Variants in NRXN1 observed in about 807,000 individuals in gnomAD.
NRXN1 encodes neurexin 1.
NRXN1 carries 39 observed loss-of-function variants against 150.9 expected under a neutral mutation model. The observed-to-expected ratio is 0.26, with a 90% confidence interval of 0.20 to 0.34. NRXN1 has a LOEUF of 0.34. Ranked by LOEUF, NRXN1 falls within the 10% of genes least tolerant of loss-of-function variation. The probability of loss-of-function intolerance (pLI) is 1.00; values close to 1 mark genes in which losing one functional copy is unlikely to be tolerated. For missense variants in NRXN1, 1,815 were observed against 1,949.9 expected, an observed-to-expected ratio of 0.93 and a Z score of 1.30; for synonymous variants, 924 against 757.0, an observed-to-expected ratio of 1.22 and a Z score of -3.62.
intron 5 of NRXN1, among the ~76,000 whole-genome samples, chr2:50,886,264 T>C (rs566165771): frequency 6.6e-6 from 1 of 151,428 alleles, no homozygotes; most frequent in South Asian, 2.1e-4. Flanking sequence ...AAAGAGGTGG[T>C]AGAAAAATAA....
At chr2:50,087,253 C>G (rs1698917491) in intron 19 of NRXN1, among the ~76,000 whole-genome samples, 1 of 152,106 alleles carries the variant, frequency 6.6e-6, no homozygotes, top group Non-Finnish European at 1.5e-5. Flanking sequence ...TGTAACCAGA[C>G]TGTAAATTTA....
chr2:50,649,251 T>TACACATACACACACACACACACACAC (rs1284650257), intron 5 of NRXN1, among the ~76,000 whole-genome samples: 3 of 79,548 alleles, frequency 3.8e-5, no homozygotes, highest in African/African-American at 1.4e-4. Context: ...TATACACACA[T>TACACATACACACACACACACACACAC]ACACACATAC....
At chr2:51,031,162 G>C (rs1001699338) in intron 1 of NRXN1, among the ~76,000 whole-genome samples, 8 of 152,170 alleles carry the variant, frequency 5.3e-5, no homozygotes, top group Admixed American at 5.2e-4. Context: ...ATGGAGAAAA[G>C]AGGATTCTCT....
chr2:50,622,709 A>G (rs1159575897), intron 6 of NRXN1, among the ~76,000 whole-genome samples: 1 of 152,194 alleles, frequency 6.6e-6, no homozygotes, highest in African/African-American at 2.4e-5. Flanking sequence ...ATGGGCACCT[A>G]GAAGATTAAC....
At chr2:50,536,739 T>C (rs1455796940) in intron 10 of NRXN1, among the ~76,000 whole-genome samples, 1 of 152,198 alleles carries the variant, frequency 6.6e-6, no homozygotes, top group Non-Finnish European at 1.5e-5. Context: ...CTTTGTTACA[T>C]TGTTCATCCT....
intron 17 of NRXN1, among the ~76,000 whole-genome samples, chr2:50,377,257 C>T (rs115301604): frequency 0.029 from 4,461 of 152,112 alleles, 160 homozygotes; most frequent in East Asian, 0.12. Context: ...CCTTCCAATC[C>T]CCCTAACAGG....
At chr2:50,376,156 C>T (rs1384790428) in intron 17 of NRXN1, among the ~76,000 whole-genome samples, 1 of 151,770 alleles carries the variant, frequency 6.6e-6, no homozygotes, top group Non-Finnish European at 1.5e-5. Flanking sequence ...GAAGAAAACA[C>T]ATACACAAAT....
chr2:50,168,012 A>G (rs1048457479), intron 18 of NRXN1, among the ~76,000 whole-genome samples: 4 of 150,784 alleles, frequency 2.7e-5, no homozygotes, highest in Non-Finnish European at 4.4e-5. Flanking sequence ...TTTTATTTCA[A>G]GGTTTGCATT....
At chr2:50,203,991 C>G (rs1178339707) in intron 18 of NRXN1, among the ~76,000 whole-genome samples, 2 of 152,070 alleles carry the variant, frequency 1.3e-5, no homozygotes, top group African/African-American at 4.8e-5. Flanking sequence ...AAATATTTCA[C>G]AAAATATTTG....
chr2:50,731,590 T>G (rs577209409), intron 5 of NRXN1, among the ~76,000 whole-genome samples: 1 of 152,260 alleles, frequency 6.6e-6, no homozygotes, highest in South Asian at 2.1e-4. Flanking sequence ...AAGGTATAGT[T>G]AAGGGATAAT....
chr2:50,839,191 T>A (rs982393056), intron 5 of NRXN1, among the ~76,000 whole-genome samples: 3 of 152,176 alleles, frequency 2.0e-5, no homozygotes, highest in African/African-American at 7.2e-5. Flanking sequence ...GATTTTTTTC[T>A]AAGTAGCCAT....
Position 50,346,800 on chromosome 2 carries a change from C to G in NRXN1, c.3365-109830G>C, listed in dbSNP as rs148517834. 2 of 1,613,362 alleles carry G rather than the reference C, an allele frequency of 1.2e-6. No homozygotes were observed. Among genetic ancestry groups the G allele is most frequent in the Non-Finnish European group, 1.7e-6 (2 of 1,179,914 alleles). On this transcript the variant is annotated intron_variant, in intron 17 of 22. Coordinates refer to ENST00000401669, the MANE Select transcript of NRXN1 (RefSeq NM_001330078.2). The surrounding 1 kb of genome is among the most constrained non-coding windows in gnomAD (Gnocchi z 5.0). ...TGTGGTGCGCTCCCAAACTGGATGC[C>G]CCCCACGCCACTCCTAGGAGGCCGC...
intron 5 of NRXN1, among the ~76,000 whole-genome samples, chr2:50,782,364 G>GGA (rs1238028635): frequency 6.6e-6 from 1 of 151,960 alleles, no homozygotes; most frequent in African/African-American, 2.4e-5. Context: ...CAGCTACTCG[G>GGA]GAGGCTGAGG....
chr2:50,717,863 CT>C (rs960980587), intron 5 of NRXN1, among the ~76,000 whole-genome samples: 1 of 152,082 alleles, frequency 6.6e-6, no homozygotes, highest in African/African-American at 2.4e-5. Flanking sequence ...TAAAGGGACT[CT>C]TTTGTAAGGG....
intron 2 of NRXN1, among the ~76,000 whole-genome samples, chr2:51,021,568 A>G (rs1669620547): frequency 6.6e-6 from 1 of 151,940 alleles, no homozygotes; most frequent in East Asian, 1.9e-4. Context: ...ATATATATAC[A>G]CAATTTTATG....
intron 17 of NRXN1, among the ~76,000 whole-genome samples, chr2:50,331,958 T>C (rs995810864): frequency 1.3e-5 from 2 of 152,138 alleles, no homozygotes; most frequent in African/African-American, 2.4e-5. Flanking sequence ...CTCAATAGAA[T>C]CTTTAAAGGT....
rs928675569 is a variant in NRXN1, at chr2:50,829,635, G to A, written c.832+92234C>T. 12 of 1,611,814 alleles carry A rather than the reference G, an allele frequency of 7.4e-6. No individual in the cohort carries two copies. The Admixed American group carries it at 1.5e-4, about 20-fold the overall frequency. ...TTTCACTTTACTACTGGGGATTCCA[G>A]TAGCCAGGTTGGTACGGGACGGCAT... On this transcript the variant is annotated intron_variant, in intron 5 of 22. Transcript: ENST00000401669.
At chr2:50,369,262 G>A (rs186396324) in intron 17 of NRXN1, among the ~76,000 whole-genome samples, 6 of 151,974 alleles carry the variant, frequency 3.9e-5, no homozygotes, top group African/African-American at 7.2e-5. Flanking sequence ...CAAAAAACCC[G>A]AATGAATACA....
At chr2:49,964,104 T>G (rs1676485105) in intron 21 of NRXN1, among the ~76,000 whole-genome samples, 2 of 152,200 alleles carry the variant, frequency 1.3e-5, no homozygotes, top group Non-Finnish European at 2.9e-5. Flanking sequence ...GTGTTTAAGC[T>G]ATTTTCTGGA....
Sources: allele counts gnomAD v4.1 joint callset (sites outside exome capture counted in the v4.1 genomes callset), GRCh38; gene constraint gnomAD v4.1.1; non-coding constraint Gnocchi (gnomAD v3.1); transcripts MANE v1.5; gene names NCBI Gene and HGNC (gene_info 2026-07-23, HGNC 2026-07-21).